Variants in ROR1 observed in about 807,000 individuals in gnomAD.
ROR1 encodes the protein ROR family WNT receptor 1, also known as inactive tyrosine-protein kinase transmembrane receptor ROR1.
Under a neutral mutation model 78.8 loss-of-function variants are expected in ROR1, and 19 were observed. The ratio of observed to expected loss-of-function variants is 0.24; its 90% confidence interval spans 0.17 to 0.35. The LOEUF is 0.35. ROR1 is among the 10% of genes least tolerant of loss of function. The pLI is 1.00. For missense variants in ROR1, 917 were observed against 1,177.8 expected (o/e 0.78, Z 3.24); for synonymous variants, 386 against 433.6 (o/e 0.89, Z 1.36).
chr1:64,128,043 G>A (rs1648775637), intron 4 of ROR1, among the ~76,000 whole-genome samples: 1 of 152,108 alleles, frequency 6.6e-6, no homozygotes, highest in South Asian at 2.1e-4. Context: ...TGAGCCATGA[G>A]GGAAGAAAGT....
At chr1:64,124,775 C>G (rs1478709697) in intron 4 of ROR1, among the ~76,000 whole-genome samples, 1 of 152,198 alleles carries the variant, frequency 6.6e-6, no homozygotes, top group Non-Finnish European at 1.5e-5. Context: ...CTGGATGCCT[C>G]TGCCTTCCAA....
intron 1 of ROR1, among the ~76,000 whole-genome samples, chr1:63,856,523 T>C (rs2100338465): frequency 6.6e-6 from 1 of 152,292 alleles, no homozygotes; most frequent in Middle Eastern, 3.4e-3. Flanking sequence ...GCAGCTCTCT[T>C]TTCTCTGATA....
At chr1:63,815,446 ATTTTTTTTTTC>A (rs1644884996) in intron 1 of ROR1, among the ~76,000 whole-genome samples, 2 of 102,954 alleles carry the variant, frequency 1.9e-5, no homozygotes, top group Non-Finnish European at 3.9e-5. Context: ...CCAGGACTGG[ATTTTTTTTTTC>A]TTTTTCTTTT....
chr1:64,107,431 G>T (rs566839772), intron 4 of ROR1, among the ~76,000 whole-genome samples: 1 of 152,160 alleles, frequency 6.6e-6, no homozygotes, highest in Non-Finnish European at 1.5e-5. Flanking sequence ...AGCTTTATGT[G>T]CTTCAGAGAG....
intron 1 of ROR1, among the ~76,000 whole-genome samples, chr1:63,837,640 G>GTGAGACGTTGTTT (rs1645025299): frequency 6.6e-6 from 1 of 152,108 alleles, no homozygotes. Context: ...GGCCAACATA[G>GTGAGACGTTGTTT]TGAGACGTTG....
chr1:64,168,551 C>G (rs976582509), intron 8 of ROR1, among the ~76,000 whole-genome samples: 4 of 152,068 alleles, frequency 2.6e-5, no homozygotes, highest in Admixed American at 2.0e-4. Flanking sequence ...ATTGTATATA[C>G]AGTATCAGTT....
At chr1:63,811,664 T>C (rs1644860612) in intron 1 of ROR1, among the ~76,000 whole-genome samples, 1 of 152,196 alleles carries the variant, frequency 6.6e-6, no homozygotes, top group African/African-American at 2.4e-5. Flanking sequence ...AAGGTTCTGC[T>C]AGTTCCCTGG....
At chr1:64,086,634 C>G (rs748465084) in intron 4 of ROR1, among the ~76,000 whole-genome samples, 1 of 152,158 alleles carries the variant, frequency 6.6e-6, no homozygotes, top group Non-Finnish European at 1.5e-5. Flanking sequence ...ACCTTTGGCT[C>G]CCCCAGCTAG....
intron 2 of ROR1, among the ~76,000 whole-genome samples, chr1:64,049,258 A>G (rs1646809110): frequency 1.3e-5 from 2 of 151,986 alleles, no homozygotes. Context: ...CCAATTTTTG[A>G]TGCTTTCTTT....
In ROR1 at chr1:63,876,669, TGTGTGTGTGTGTGC is replaced by T. The variant is rs745954609; in HGVS notation, c.91+102163_91+102176del. Among the ~76,000 whole-genome samples, 728 of 121,804 alleles carry T rather than the reference TGTGTGTGTGTGTGC, an allele frequency of 6.0e-3. 8 individuals are homozygous for T. The highest frequency in any genetic ancestry group is 0.027 in the African/African-American group (627 of 23,546). The allele number at this position is 121,804 out of a possible 152,430, so 79.9% of individuals were successfully genotyped here. On this transcript the variant is annotated intron_variant, in intron 1 of 8. Transcript: ENST00000371079. Reference sequence around the variant, plus strand: ...GGGTGTGTGTGTGTGTGTGTGTGTGTGTGTGTGTGTGTGCGCGTGTGTGTGTGAGAACATGTGTT... The same window carrying T: ...GGGTGTGTGTGTGTGTGTGTGTGTGTGCGTGTGTGTGTGAGAACATGTGTT...
intron 1 of ROR1, among the ~76,000 whole-genome samples, chr1:63,999,489 T>G (rs1646365966): frequency 6.6e-6 from 1 of 152,250 alleles, no homozygotes; most frequent in Non-Finnish European, 1.5e-5. Context: ...AGAACTGTGC[T>G]AAGCCCTTTG....
In ROR1 at chr1:64,070,567, A is replaced by C. The variant is rs564454588; in HGVS notation, c.482+19851A>C. Among the ~76,000 whole-genome samples the C allele has an allele frequency of 1.6e-4, 24 of 152,104 alleles. 1 individual carries two copies. In the South Asian group the frequency reaches 4.6e-3, roughly 29 times the overall value. ...ATTCCTTGCCTCAAACCATCCTCGC[A>C]CCTCAGCCTCCCAAAGTGCTGGGAT... On this transcript the variant is annotated intron_variant, in intron 4 of 8. Coordinates refer to ENST00000371079, the MANE Select transcript of ROR1 (RefSeq NM_005012.4).
At position 64,028,178 on chromosome 1, in the gene ROR1, A is replaced by G. The variant is rs911677568; in HGVS notation, c.163+18802A>G. Among the ~76,000 whole-genome samples, 4 of 152,160 alleles carry G rather than the reference A, an allele frequency of 2.6e-5. No individual in the cohort carries two copies. The East Asian group carries it at 7.7e-4, about 29-fold the overall frequency. ...TTTCAGCATCTTCCTGTTTCTCTGAACTTTAAGGTCAGCATTCCCATTTTG... is the reference window on the plus strand; with the variant it reads ...TTTCAGCATCTTCCTGTTTCTCTGAGCTTTAAGGTCAGCATTCCCATTTTG... On this transcript the variant is annotated intron_variant, in intron 2 of 8. Coordinates refer to ENST00000371079, the MANE Select transcript of ROR1 (RefSeq NM_005012.4).
rs569121901 is a variant in ROR1, at chr1:64,051,653, T to C, written c.482+937T>C. On this transcript the variant is annotated intron_variant, in intron 4 of 8. Transcript: ENST00000371079. ...TATTGTTGATGCGTTTGTCATTTGT[T>C]CTGGCTAAAGGATTCTCATCTTTCA... is the stretch of plus-strand genomic sequence containing the variant. Among the ~76,000 whole-genome samples, 3 of 152,262 alleles carry C rather than the reference T, an allele frequency of 2.0e-5. No individual in the cohort carries two copies. The South Asian group carries it at 6.2e-4, about 32-fold the overall frequency.
At chr1:63,921,306 G>T (rs1645652460) in intron 1 of ROR1, among the ~76,000 whole-genome samples, 1 of 152,160 alleles carries the variant, frequency 6.6e-6, no homozygotes, top group Non-Finnish European at 1.5e-5. Flanking sequence ...TGAAAGTGCT[G>T]TGGTGGAGCC....
Position 63,853,559 on chromosome 1 carries a change from C to A in ROR1, c.91+79051C>A, listed in dbSNP as rs116934963. Among the ~76,000 whole-genome samples the A allele has an allele frequency of 2.6e-5, 4 of 152,318 alleles. No individual in the cohort carries two copies. In the East Asian group the frequency reaches 7.7e-4, roughly 29 times the overall value. On this transcript the variant is annotated intron_variant, in intron 1 of 8. Coordinates refer to ENST00000371079, the MANE Select transcript of ROR1 (RefSeq NM_005012.4). The stretch of plus-strand genomic sequence containing the variant: ...TGAAGACATCTGAAACATGTCTGAT[C>A]TCAAGCATTTTGGGTAAGGGATACT...
chr1:63,945,448 A>C (rs1645879041), intron 1 of ROR1, among the ~76,000 whole-genome samples: 2 of 152,126 alleles, frequency 1.3e-5, no homozygotes, highest in Admixed American at 1.3e-4. Flanking sequence ...AATTGATTTA[A>C]TGATCTGTTG....
At position 64,177,633 on chromosome 1, in the gene ROR1, A is replaced by G. The variant is rs1650421266; in HGVS notation, c.1592A>G (p.His531Arg). ...GAAGCCTCCCTAATGGCAGAACTGCACCACCCCAATATTGTCTGCCTTCTA... is the reference window on the plus strand; with the variant it reads ...GAAGCCTCCCTAATGGCAGAACTGCGCCACCCCAATATTGTCTGCCTTCTA... Reference protein sequence around the residue: ...QQEASLMAELHHPNIVCLLGA... With the variant: ...QQEASLMAELRHPNIVCLLGA... Residue 531 changes from histidine to arginine, a missense_variant, in exon 9 of 9, where the codon CAC becomes CGC. Coordinates refer to ENST00000371079, the MANE Select transcript of ROR1 (RefSeq NM_005012.4). The G allele has an allele frequency of 6.2e-7, 1 of 1,614,216 alleles. No homozygotes were observed. Among genetic ancestry groups the G allele is most frequent in the East Asian group, 2.2e-5 (1 of 44,874 alleles).
chr1:63,843,875 A>G (rs1645064217), intron 1 of ROR1, among the ~76,000 whole-genome samples: 1 of 152,166 alleles, frequency 6.6e-6, no homozygotes, highest in African/African-American at 2.4e-5. Flanking sequence ...TCTTCATATT[A>G]GTCCTCCACA....
Sources: gnomAD v4.1 joint callset for allele counts (sites outside exome capture counted in the v4.1 genomes callset) on GRCh38, gnomAD v4.1.1 for gene constraint, MANE v1.5 for transcripts, NCBI Gene and HGNC (gene_info 2026-07-23, HGNC 2026-07-21) for gene names.